The following SYNPO variants were observed in gnomAD, a reference collection of about 807,000 sequenced individuals.
SYNPO encodes synaptopodin.
In SYNPO, 19 loss-of-function variants were observed where a neutral mutation model predicts 49.5. That is an observed-to-expected ratio of 0.38 (90% CI 0.27 to 0.56). The LOEUF (loss-of-function observed/expected upper bound fraction) is 0.56, where lower values mean the gene tolerates loss of function less well. Ranked by LOEUF, SYNPO falls within the 20% of genes least tolerant of loss-of-function variation. The probability of loss-of-function intolerance (pLI) is 0.68; values close to 1 mark genes in which losing one functional copy is unlikely to be tolerated. For missense variants in SYNPO, 1,131 were observed against 1,248.3 expected (o/e 0.91, Z 1.42); for synonymous variants, 536 against 548.0 (o/e 0.98, Z 0.31).
At chr5:150,594,662 C>G in the SYNPO span, among the ~76,000 whole-genome samples, 4 of 152,206 alleles carry the variant, frequency 2.6e-5, no homozygotes, top group East Asian at 1.9e-4. Flanking sequence ...TACAAGTTCT[C>G]TCATCATCAT....
intron 2 of SYNPO, among the ~76,000 whole-genome samples, chr5:150,631,863 C>T (rs934392891): frequency 2.0e-5 from 3 of 152,132 alleles, no homozygotes; most frequent in African/African-American, 7.2e-5. Context: ...CAGGAGGCTG[C>T]GGTCACTCAA....
At chr5:150,620,868 C>A (rs1313593334) in intron 2 of SYNPO, among the ~76,000 whole-genome samples, 1 of 151,378 alleles carries the variant, frequency 6.6e-6, no homozygotes. Context: ...CAGTATGGTT[C>A]ATTCCTTTCT....
At chr5:150,633,651 A>G (rs896824065) in intron 2 of SYNPO, among the ~76,000 whole-genome samples, 1 of 152,224 alleles carries the variant, frequency 6.6e-6, no homozygotes, top group African/African-American at 2.4e-5. Context: ...CTAGGAGCCA[A>G]TGAACCATGT....
At chr5:150,586,736 C>A in the SYNPO span, among the ~76,000 whole-genome samples, 4 of 152,208 alleles carry the variant, frequency 2.6e-5, no homozygotes, top group Non-Finnish European at 5.9e-5. Context: ...GTTCACCAGA[C>A]TATCCTCAGG....
At chr5:150,638,392 C>T (rs1256339810), upstream of SYNPO, among the ~76,000 whole-genome samples, 1 of 152,238 alleles carries the variant, frequency 6.6e-6, no homozygotes, top group East Asian at 1.9e-4. Flanking sequence ...AGGAACCACC[C>T]TCTAGATCTT....
chr5:150,647,930 G>T lies in SYNPO; in HGVS notation c.-332-14G>T. On this transcript the variant is annotated splice_polypyrimidine_tract_variant and intron_variant, in intron 1 of 2. Transcript: ENST00000307662. ...ATTCCTGTTTGCTAACTGGGCTTTT[G>T]TCCCTCCCTGTAGCGTTGGGCCGGA... 6.5e-7 allele frequency: 1 copy of T among 1,544,456 alleles called. No homozygotes were observed. The highest frequency in any genetic ancestry group is 8.8e-7 in the Non-Finnish European group (1 of 1,141,244).
chr5:150,612,384 G>A (rs1353785491), intron 1 of SYNPO, among the ~76,000 whole-genome samples: 1 of 152,196 alleles, frequency 6.6e-6, no homozygotes, highest in Non-Finnish European at 1.5e-5. Context: ...AATATGCCAG[G>A]CAATGTACCA....
At chr5:150,650,505 T>C (rs1581516238) in intron 2 of SYNPO, 1 of 1,483,622 alleles carries the variant, frequency 6.7e-7, no homozygotes, top group Non-Finnish European at 9.0e-7. Context: ...TCGCCTCCCC[T>C]CTCTGAGCTG....
At chr5:150,634,872 C>G (rs1290278661) in intron 2 of SYNPO, among the ~76,000 whole-genome samples, 1 of 146,910 alleles carries the variant, frequency 6.8e-6, no homozygotes, top group Non-Finnish European at 1.5e-5. Context: ...ACCACACACA[C>G]ACACACAAAG....
Position 150,656,484 on chromosome 5 carries a change from G to A in SYNPO, c.2109G>A (p.Val703=). 2 of 1,532,578 alleles carry A rather than the reference G, an allele frequency of 1.3e-6. No individual in the cohort carries two copies. Among genetic ancestry groups the A allele is most frequent in the East Asian group, 2.5e-5 (1 of 40,634 alleles). 94.9% of individuals were successfully genotyped at this position (1,532,578 alleles called of 1,614,324 possible). A position where few individuals can be genotyped will look rare whatever the true frequency, so the allele number is the denominator to read the frequency against. ...SRPPSSLDGW[V]SPGPWEPGRG... ...CCCCCAGCAGCCTAGACGGCTGGGT[G>A]AGCCCGGGCCCGTGGGAGCCAGGTC... Residue 703 remains valine, a synonymous_variant, in exon 3 of 3, where the codon GTG becomes GTA. Transcript: ENST00000307662.
At chr5:150,647,543 G>C (rs1758148544) in intron 1 of SYNPO, among the ~76,000 whole-genome samples, 1 of 152,214 alleles carries the variant, frequency 6.6e-6, no homozygotes, top group African/African-American at 2.4e-5. Context: ...CATTTTCAAG[G>C]AAGAGAAAGC....
chr5:150,648,120 G>T lies in SYNPO; in HGVS notation c.-156G>T. 6.4e-7 allele frequency: 1 copy of T among 1,552,066 alleles called. No homozygotes were observed. Among genetic ancestry groups the T allele is most frequent in the Non-Finnish European group, 8.7e-7 (1 of 1,147,102 alleles). On this transcript the variant is annotated 5_prime_UTR_variant, in exon 2 of 3. Transcript: ENST00000307662. The surrounding 1 kb of genome is among the most constrained non-coding windows in gnomAD (Gnocchi z 5.0). ...CACCTTGGAGAGCCACGGCCAGAGGGGACAGAAGCCCAGCCAGGAGTCCCT... is the reference window on the plus strand; with the variant it reads ...CACCTTGGAGAGCCACGGCCAGAGGTGACAGAAGCCCAGCCAGGAGTCCCT...
At chr5:150,652,588 T>C (rs142458357) in intron 2 of SYNPO, 2,266 of 199,730 alleles carry the variant, frequency 0.011, 25 homozygotes, top group Non-Finnish European at 0.016. Flanking sequence ...CGCAACCTTT[T>C]GTTCTTTCCT....
intron 2 of SYNPO, among the ~76,000 whole-genome samples, chr5:150,625,200 C>T (rs1288959758): frequency 6.6e-6 from 1 of 152,188 alleles, no homozygotes; most frequent in African/African-American, 2.4e-5. Context: ...CCTTGCGCCC[C>T]TCCCCGCAAG....
intron 1 of SYNPO, among the ~76,000 whole-genome samples, chr5:150,613,337 G>A (rs776712130): frequency 3.9e-5 from 6 of 152,036 alleles, no homozygotes; most frequent in Non-Finnish European, 8.8e-5. Flanking sequence ...TCACAAACTG[G>A]CCATCTTCTC....
upstream of SYNPO, among the ~76,000 whole-genome samples, chr5:150,599,428 T>C (rs1756482278): frequency 6.6e-6 from 1 of 152,192 alleles, no homozygotes; most frequent in South Asian, 2.1e-4. Context: ...CCCAGTGGTA[T>C]GCGGTGCTGA....
upstream of SYNPO, chr5:150,640,247 T>C (rs1328141691): frequency 1.2e-6 from 1 of 868,102 alleles, no homozygotes; most frequent in East Asian, 1.2e-4. Flanking sequence ...GGTGGTGGCA[T>C]TCTAGGTAGG....
At chr5:150,640,155 T>A, upstream of SYNPO, 1 of 985,448 alleles carries the variant, frequency 1.0e-6, no homozygotes, top group African/African-American at 1.7e-5. Flanking sequence ...CCTGAAAGAT[T>A]ACTTTTACTA....
At chr5:150,640,928 C>T (rs1319245715) in intron 1 of SYNPO, 74 bp downstream of exon 1, 2 of 789,106 alleles carry the variant, frequency 2.5e-6, no homozygotes, top group Non-Finnish European at 3.1e-6. Flanking sequence ...CATCCCCCCT[C>T]TGATCTTAGT....
Sources: allele counts gnomAD v4.1 joint callset (sites outside exome capture counted in the v4.1 genomes callset), GRCh38; gene constraint gnomAD v4.1.1; non-coding constraint Gnocchi (gnomAD v3.1); transcripts MANE v1.5; gene names NCBI Gene and HGNC (gene_info 2026-07-23, HGNC 2026-07-21).